USP40: variants seen among roughly 807,000 people sequenced by gnomAD.
USP40 encodes the protein ubiquitin specific peptidase 40.
USP40 carries 143 observed loss-of-function variants against 166.2 expected under a neutral mutation model. That is an observed-to-expected ratio of 0.86 (90% CI 0.75 to 0.99). USP40 has a LOEUF of 0.99. USP40 is among the 50% of genes least tolerant of loss of function. The probability of loss-of-function intolerance (pLI) is 0.00; values close to 1 mark genes in which losing one functional copy is unlikely to be tolerated. For missense variants in USP40, 1,444 were observed against 1,479.7 expected, an observed-to-expected ratio of 0.98 and a Z score of 0.40; for synonymous variants, 498 against 524.0, an observed-to-expected ratio of 0.95 and a Z score of 0.68.
intron 23 of USP40, 146 bp from the exon 24 acceptor site, chr2:233,496,978 G>A: frequency 1.7e-6 from 1 of 599,710 alleles, no homozygotes; most frequent in Non-Finnish European, 2.9e-6. Flanking sequence ...AATAAGCTAA[G>A]ACTATAAAAT....
chr2:233,485,443 T>C, intron 30 of USP40, 88 bp downstream of exon 30: 1 of 1,008,464 alleles, frequency 9.9e-7, no homozygotes, highest in Non-Finnish European at 1.5e-6. Context: ...GGATAATCTG[T>C]GTCTTGAAGA....
rs1366889863 is a variant in USP40, at chr2:233,529,448, A to G, written c.1536T>C (p.Ile512=). Residue 512 remains isoleucine, a synonymous_variant, in exon 12 of 32, where the codon ATT becomes ATC. Coordinates refer to ENST00000678225, the MANE Select transcript of USP40 (RefSeq NM_001365479.2). ...AAAATTACCTTTTGGTTTGCAGTTCAATGTTAGCTGCATCCATTTCATTCA... is the reference window on the plus strand; with the variant it reads ...AAAATTACCTTTTGGTTTGCAGTTCGATGTTAGCTGCATCCATTTCATTCA... ...HLLNEMDAAN[I]ELQTKRAECD... The G allele has an allele frequency of 1.9e-6, 3 of 1,575,668 alleles. No individual in the cohort carries two copies. The African/African-American group carries it at 4.0e-5, about 21-fold the overall frequency.
intron 28 of USP40, 148 bp downstream of exon 28, chr2:233,488,091 A>G (rs954111098): frequency 5.4e-6 from 4 of 747,580 alleles, no homozygotes; most frequent in Admixed American, 4.0e-5. Flanking sequence ...ACATACAAAC[A>G]TATTTCTAGC....
chr2:233,563,902 C>T (rs541381119), intron 2 of USP40, among the ~76,000 whole-genome samples: 1 of 152,086 alleles, frequency 6.6e-6, no homozygotes, highest in Admixed American at 6.5e-5. Flanking sequence ...GCTCCATGAC[C>T]CGCCCTACAC....
intron 5 of USP40, among the ~76,000 whole-genome samples, chr2:233,554,775 C>T (rs934888036): frequency 4.6e-5 from 7 of 152,138 alleles, no homozygotes; most frequent in East Asian, 1.9e-4. Context: ...ACCAAAGATA[C>T]AATAAAATCT....
intron 10 of USP40, among the ~76,000 whole-genome samples, chr2:233,535,697 T>C (rs1327644750): frequency 6.6e-6 from 1 of 152,064 alleles, no homozygotes; most frequent in South Asian, 2.1e-4. Context: ...TAACATAATC[T>C]AGACTCTCCA....
rs1046174894 is a variant in USP40 at position 233,476,867 on chromosome 2, C to T, written c.*525G>A. The T allele has an allele frequency of 1.7e-4, 32 of 192,560 alleles. No homozygotes were observed. Among genetic ancestry groups the T allele is most frequent in the Admixed American group, 8.0e-4 (15 of 18,708 alleles). 11.9% of individuals were successfully genotyped at this position (192,560 alleles called of 1,614,324 possible). ...AGACGTGGAGCATGCGGGGCCGGAA[C>T]GAGTGGGGGAAATGAAGTCCTGAAA... On this transcript the variant is annotated 3_prime_UTR_variant, in exon 32 of 32. Transcript: ENST00000678225.
At chr2:233,506,468 C>T (rs2066423305) in intron 21 of USP40, among the ~76,000 whole-genome samples, 1 of 151,922 alleles carries the variant, frequency 6.6e-6, no homozygotes, top group Non-Finnish European at 1.5e-5. Context: ...CTTTGGTTGC[C>T]TCAAAAGCAC....
Position 233,493,771 on chromosome 2 carries a change from G to A in USP40, c.2791-220C>T, listed in dbSNP as rs149710238. Among the ~76,000 whole-genome samples, 10 of 152,212 alleles carry A rather than the reference G, an allele frequency of 6.6e-5. No individual in the cohort carries two copies. The highest frequency in any genetic ancestry group is 2.4e-4 in the African/African-American group (10 of 41,524). On this transcript the variant is annotated intron_variant, in intron 24 of 31. Coordinates refer to ENST00000678225, the MANE Select transcript of USP40 (RefSeq NM_001365479.2). The surrounding 1 kb of genome is among the most constrained non-coding windows in gnomAD (Gnocchi z 4.7). ...GGGGTGACTGGACTAAATATCCCTT[G>A]CTTAAAGGTATCTTAGTAGATAATA...
chr2:233,510,164 A>C, intron 20 of USP40, 29 bp from the exon 21 acceptor site: 1 of 1,488,136 alleles, frequency 6.7e-7, no homozygotes, highest in Non-Finnish European at 9.2e-7. Context: ...TGTAAATGCA[A>C]TTTAATCTGA....
chr2:233,534,395 C>T (rs567418708), intron 10 of USP40, among the ~76,000 whole-genome samples: 20 of 152,316 alleles, frequency 1.3e-4, no homozygotes, highest in African/African-American at 4.3e-4. Flanking sequence ...ATCCACTACG[C>T]CCCTATCCTC....
Position 233,533,759 on chromosome 2 carries a change from C to T in USP40, c.1191G>A (p.Gln397=). The T allele has an allele frequency of 6.2e-7, 1 of 1,603,866 alleles. No homozygotes were observed. The highest frequency in any genetic ancestry group is 8.5e-7 in the Non-Finnish European group (1 of 1,174,864). ...PLRKFLQLHS[Q]IFLLSSDEST... ...TTTCATCTGAACTGAGTAGAAATATCTGAGAATGGAGCTGTAAGAACTACA... is the reference window on the plus strand; with the variant it reads ...TTTCATCTGAACTGAGTAGAAATATTTGAGAATGGAGCTGTAAGAACTACA... The change falls in exon 11 of 32, where the codon CAG becomes CAA. Residue 397 remains glutamine (Q), a synonymous_variant. Coordinates refer to ENST00000678225, the MANE Select transcript of USP40 (RefSeq NM_001365479.2).
At position 233,565,458 on chromosome 2, in the gene USP40, C is replaced by A. The variant is rs1410450136; in HGVS notation, c.97G>T (p.Ala33Ser). 1.3e-6 allele frequency: 2 copies of A among 1,537,172 alleles called. No individual in the cohort carries two copies. Among genetic ancestry groups the A allele is most frequent in the Middle Eastern group, 1.7e-4 (1 of 6,010 alleles). Residue 33 changes from alanine to serine, a missense_variant, in exon 2 of 32, where the codon GCT (alanine) becomes TCT (serine). By Grantham distance (99) the Ala-to-Ser change is moderately conservative (BLOSUM62 1). Coordinates refer to ENST00000678225, the MANE Select transcript of USP40 (RefSeq NM_001365479.2). ...KLKTKALEPP[A>S]PREFTNLSGI... ...CTTAAATTGGTGAATTCTCTAGGAG[C>A]AGGTGGCTCCAAAGCTTTAGTCTTT...
intron 8 of USP40, chr2:233,545,559 T>C (rs1050203966): frequency 2.0e-5 from 3 of 152,238 alleles, no homozygotes; most frequent in Non-Finnish European, 2.9e-5. Flanking sequence ...CAGGCTCCTC[T>C]TTATAGCCAG....
In USP40 at chr2:233,477,826, G is replaced by A. The variant is rs941248270; in HGVS notation, c.3600-323C>T. Among the ~76,000 whole-genome samples the A allele has an allele frequency of 3.3e-5, 5 of 152,318 alleles. No homozygotes were observed. In the South Asian group the frequency reaches 8.3e-4, roughly 25 times the overall value. On this transcript the variant is annotated intron_variant, in intron 31 of 31. Coordinates refer to ENST00000678225, the MANE Select transcript of USP40 (RefSeq NM_001365479.2). ...CTTTTTAAACGGAAGAATAACATCC[G>A]GAGTGCACACACACCGCTGCACGAC...
intron 10 of USP40, among the ~76,000 whole-genome samples, chr2:233,537,030 C>A (rs187409053): frequency 6.6e-6 from 1 of 151,860 alleles, no homozygotes; most frequent in Non-Finnish European, 1.5e-5. Context: ...ATTACATGTG[C>A]GCACCACCGC....
In USP40 at chr2:233,533,594, T is replaced by G. The variant is rs1425294967; in HGVS notation, c.1356A>C (p.Ile452=). The change falls in exon 11 of 32, where the codon ATA becomes ATC. Residue 452 remains isoleucine, a synonymous_variant. Transcript: ENST00000678225. ...NSISCPHWFD[I]NDSKVQPIRE... ...TGATTGGCTGGACTTTAGAATCATT[T>G]ATATCAAACCAGTGGGGACAGGAGA... 11 of 1,613,908 alleles carry G rather than the reference T, an allele frequency of 6.8e-6. No homozygotes were observed. Among genetic ancestry groups the G allele is most frequent in the Non-Finnish European group, 8.5e-6 (10 of 1,179,836 alleles).
intron 21 of USP40, among the ~76,000 whole-genome samples, chr2:233,506,805 G>A (rs573420464): frequency 3.3e-5 from 5 of 150,932 alleles, no homozygotes; most frequent in South Asian, 2.1e-4. Flanking sequence ...CAGCTACTTC[G>A]GAGGCTGAGA....
chr2:233,498,619 AG>A lies in USP40; in HGVS notation c.2651-8del. 5 of 1,611,752 alleles carry A rather than the reference AG, an allele frequency of 3.1e-6. No individual in the cohort carries two copies. Among genetic ancestry groups the A allele is most frequent in the Non-Finnish European group, 4.2e-6 (5 of 1,179,052 alleles). Reference sequence around the variant, plus strand: ...CGTAAATGCCAGGCATCTCCTATAAAGGAGTCAAAATTGGGATAAAAAAAAT... The same window carrying A: ...CGTAAATGCCAGGCATCTCCTATAAAGAGTCAAAATTGGGATAAAAAAAAT... On this transcript the variant is annotated splice_polypyrimidine_tract_variant and splice_region_variant and intron_variant, in intron 22 of 31. Transcript: ENST00000678225.
Sources: gnomAD v4.1 joint callset for allele counts (sites outside exome capture counted in the v4.1 genomes callset) on GRCh38, gnomAD v4.1.1 for gene constraint, Gnocchi (gnomAD v3.1) non-coding constraint, MANE v1.5 for transcripts, NCBI Gene and HGNC (gene_info 2026-07-23, HGNC 2026-07-21) for gene names.